Variants in ABCB11 observed in about 807,000 individuals in gnomAD.
ABCB11 encodes ATP binding cassette subfamily B member 11.
Under a neutral mutation model 148.0 loss-of-function variants are expected in ABCB11, and 95 were observed. That is an observed-to-expected ratio of 0.64 (90% CI 0.54 to 0.76). ABCB11 has a LOEUF of 0.76. Ranked by LOEUF, ABCB11 falls within the 30% of genes least tolerant of loss-of-function variation. The pLI is 0.00. For synonymous variants in ABCB11, 591 were observed against 555.4 expected (o/e 1.06, Z -0.90); for missense variants, 1,523 against 1,617.8 (o/e 0.94, Z 1.01).
Position 168,932,426 on chromosome 2 carries a change from A to G in ABCB11, c.3164T>C (p.Leu1055Pro), listed in dbSNP as rs747153406. ...TACACTGATTGGGGGTTGTCGGTCC[A>G]GCAGTTGAAAAAAGCGTGCAGCTGA... Reference protein sequence around the residue: ...KISAARFFQLLDRQPPISVYN... With the variant: ...KISAARFFQLPDRQPPISVYN... Residue 1055 changes from leucine to proline, a missense_variant, in exon 24 of 28, where the codon CTG (leucine) becomes CCG (proline). Physicochemically the swap from Leu to Pro is moderately conservative, Grantham distance 98. Coordinates refer to ENST00000650372, the MANE Select transcript of ABCB11 (RefSeq NM_003742.4). 1 of 1,598,516 alleles carries G rather than the reference A, an allele frequency of 6.3e-7. No homozygotes were observed. Among genetic ancestry groups the G allele is most frequent in the South Asian group, 1.1e-5 (1 of 88,136 alleles).
rs1693612451 is a variant in ABCB11 at position 168,972,161 on chromosome 2, C to T, written c.1435-111G>A. 17 of 901,988 alleles carry T rather than the reference C, an allele frequency of 1.9e-5. No individual in the cohort carries two copies. The South Asian group carries it at 2.6e-4, about 14-fold the overall frequency. 55.9% of individuals were successfully genotyped at this position (901,988 alleles called of 1,614,324 possible). ...AGAAAAAATAGAGGCCAATAAGATTCTAATGGAAACAATTCCTCTTGAAAT... is the reference window on the plus strand; with the variant it reads ...AGAAAAAATAGAGGCCAATAAGATTTTAATGGAAACAATTCCTCTTGAAAT... On this transcript the variant is annotated intron_variant, in intron 13 of 27. Coordinates refer to ENST00000650372, the MANE Select transcript of ABCB11 (RefSeq NM_003742.4).
At chr2:168,932,575 GGT>G in intron 23 of ABCB11, 42 bp from the exon 24 acceptor site, 1 of 1,601,300 alleles carries the variant, frequency 6.2e-7, no homozygotes, top group Non-Finnish European at 8.5e-7. Flanking sequence ...AGGGTGGCGT[GGT>G]TGGTGTGATG....
At chr2:168,940,671 C>T (rs887818891) in intron 21 of ABCB11, among the ~76,000 whole-genome samples, 1 of 152,078 alleles carries the variant, frequency 6.6e-6, no homozygotes, top group East Asian at 1.9e-4. Flanking sequence ...ACATATTTTC[C>T]GTGTTGACCA....
chr2:168,958,178 T>G, intron 18 of ABCB11, 50 bp from the exon 19 acceptor site: 3 of 1,555,168 alleles, frequency 1.9e-6, no homozygotes, highest in South Asian at 1.1e-5. Context: ...CTCAAGACAT[T>G]TTGCAGCAGA....
At chr2:168,976,858 C>T (rs1693928660) in intron 11 of ABCB11, among the ~76,000 whole-genome samples, 171 bp from the exon 12 acceptor site, 1 of 150,424 alleles carries the variant, frequency 6.6e-6, no homozygotes, top group Non-Finnish European at 1.5e-5. Flanking sequence ...TATTGTGCCT[C>T]TTAGTTTGCA....
At position 168,986,138 on chromosome 2, in the gene ABCB11, C is replaced by T. The variant is rs201351924; in HGVS notation, c.1055G>A (p.Gly352Glu). The T allele has an allele frequency of 1.2e-5, 20 of 1,611,828 alleles. No individual in the cohort carries two copies. In the African/African-American group the frequency reaches 2.3e-4, roughly 18 times the overall value. Reference sequence around the variant, plus strand: ...GACAAGGGTTCCTGGTGTATATTCTCCTTCATCCAGGACAAGTGTGGAGCC... The same window carrying T: ...GACAAGGGTTCCTGGTGTATATTCTTCTTCATCCAGGACAAGTGTGGAGCC... ...WYGSTLVLDE[G>E]EYTPGTLVQI... The change falls in exon 10 of 28, where the codon GGA becomes GAA. Residue 352 changes from glycine (G) to glutamate (E), a missense_variant. Transcript: ENST00000650372.
intron 7 of ABCB11, 45 bp from the exon 8 acceptor site, chr2:168,993,927 T>A (rs764319628): frequency 6.9e-7 from 1 of 1,443,496 alleles, no homozygotes; most frequent in Non-Finnish European, 9.6e-7. Flanking sequence ...AATTTGATCA[T>A]TCAAATATCT....
chr2:168,954,773 A>G (rs1009376975), intron 19 of ABCB11, among the ~76,000 whole-genome samples: 22 of 151,648 alleles, frequency 1.5e-4, no homozygotes, highest in Non-Finnish European at 2.4e-4. Flanking sequence ...AACAGTCTTG[A>G]CAGACTTGGG....
At chr2:168,933,738 G>A (rs1371986687) in intron 23 of ABCB11, among the ~76,000 whole-genome samples, 6 of 123,886 alleles carry the variant, frequency 4.8e-5, no homozygotes, top group African/African-American at 1.9e-4. Flanking sequence ...GAAGTTTTCT[G>A]TAGTTCCACT....
Position 168,993,798 on chromosome 2 carries a change from CA to C in ABCB11, c.695del (p.Leu232ArgfsTer10). 1 of 1,611,486 alleles carries C rather than the reference CA, an allele frequency of 6.2e-7. No homozygotes were observed. The highest frequency in any genetic ancestry group is 8.5e-7 in the Non-Finnish European group (1 of 1,178,628). On this transcript the variant is annotated frameshift_variant, in exon 8 of 28. Coordinates refer to ENST00000650372, the MANE Select transcript of ABCB11 (RefSeq NM_003742.4). LOFTEE classifies it high-confidence loss of function. ...GTTTCCAACCCCTGAAAAATCCCAA[CA>C]GGAAACCACAGATGGTCGAGGTCAT... ...QRMTSTICGF[L>X]LGFFRGWKLT... is the part of the protein sequence containing the mutation.
chr2:168,976,418 A>G (rs1295436304), intron 12 of ABCB11, among the ~76,000 whole-genome samples, 159 bp downstream of exon 12: 1 of 152,140 alleles, frequency 6.6e-6, no homozygotes, highest in Admixed American at 6.6e-5. Flanking sequence ...CTGTTGCCTG[A>G]GATAAGCCAA....
intron 2 of ABCB11, among the ~76,000 whole-genome samples, 180 bp from the exon 3 acceptor site, chr2:169,016,979 TACACACACACACACACACACACACAC>T (rs71397686): frequency 7.2e-6 from 1 of 138,002 alleles, no homozygotes; most frequent in Non-Finnish European, 1.6e-5. Flanking sequence ...TCTATCTTTC[TACACACACACACACACACACACACAC>T]ACACACACAC....
intron 5 of ABCB11, among the ~76,000 whole-genome samples, chr2:169,001,566 G>C (rs112202984): frequency 0.036 from 5,500 of 152,096 alleles, 134 homozygotes; most frequent in East Asian, 0.062. Flanking sequence ...GGCACAAGAG[G>C]GGCTTATTAC....
chr2:168,976,619 G>A lies in ABCB11; in HGVS notation c.1266C>T (p.Phe422=), dbSNP rs981362123. ...KLDRIKGEIE[F]HNVTFHYPSR... is the part of the protein sequence containing the mutation. The stretch of plus-strand genomic sequence containing the variant: ...AAGGATAATGGAAGGTCACATTATG[G>A]AATTCAATTTCACCCTTGATTCGAT... The change falls in exon 12 of 28, where the codon TTC becomes TTT. Residue 422 remains phenylalanine, a synonymous_variant. Transcript: ENST00000650372. 7.5e-6 allele frequency: 12 copies of A among 1,608,926 alleles called. No individual in the cohort carries two copies. The highest frequency in any genetic ancestry group is 9.4e-6 in the Non-Finnish European group (11 of 1,176,446).
chr2:169,013,037 G>T (rs1695236866), intron 5 of ABCB11, among the ~76,000 whole-genome samples: 1 of 152,120 alleles, frequency 6.6e-6, no homozygotes, highest in South Asian at 2.1e-4. Flanking sequence ...TAACATTTTG[G>T]CAATGTATTT....
At chr2:169,009,715 A>T (rs2106040099) in intron 5 of ABCB11, among the ~76,000 whole-genome samples, 1 of 152,176 alleles carries the variant, frequency 6.6e-6, no homozygotes, top group East Asian at 1.9e-4. Context: ...GTACCCTAAA[A>T]CTTAAAGTAT....
At chr2:168,920,574 T>C (rs1039617292), downstream of ABCB11, among the ~76,000 whole-genome samples, 1 of 151,752 alleles carries the variant, frequency 6.6e-6, no homozygotes, top group Non-Finnish European at 1.5e-5. Context: ...TAACTTTTAT[T>C]AACTGGGGTT....
At chr2:169,017,906 C>A (rs757673519) in intron 2 of ABCB11, 144 bp downstream of exon 2, 3 of 792,252 alleles carry the variant, frequency 3.8e-6, no homozygotes, top group South Asian at 2.7e-5. Flanking sequence ...GAGAGCCACA[C>A]AGTTGTGTAT....
At chr2:169,022,457 A>G (rs1558932970) in intron 1 of ABCB11, among the ~76,000 whole-genome samples, 1 of 152,032 alleles carries the variant, frequency 6.6e-6, no homozygotes, top group African/African-American at 2.4e-5. Flanking sequence ...AAACCAGGTT[A>G]AGATTAATTT....
Sources: allele counts gnomAD v4.1 joint callset (sites outside exome capture counted in the v4.1 genomes callset), GRCh38; gene constraint gnomAD v4.1.1; transcripts MANE v1.5; gene names NCBI Gene and HGNC (gene_info 2026-07-23, HGNC 2026-07-21).